Variants in FIRRM observed in about 807,000 individuals in gnomAD.
The protein encoded by FIRRM is FIGNL1-interacting regulator of recombination and mitosis.
chr1:169,799,752 A>T, the FIRRM span, among the ~76,000 whole-genome samples: 1 of 152,138 alleles, frequency 6.6e-6, no homozygotes. Flanking sequence ...GGGTTTCACC[A>T]TGTTGGCCAG....
At chr1:169,799,894 C>T in the FIRRM span, among the ~76,000 whole-genome samples, 222 of 152,120 alleles carry the variant, frequency 1.5e-3, no homozygotes, top group Non-Finnish European at 2.7e-3. Flanking sequence ...AGATCTCACT[C>T]TATTGCCCAG....
chr1:169,785,946 A>G, the FIRRM span, among the ~76,000 whole-genome samples: 1 of 152,190 alleles, frequency 6.6e-6, no homozygotes. Flanking sequence ...GCAATCATGT[A>G]AAATATCTAT....
the FIRRM span, among the ~76,000 whole-genome samples, chr1:169,847,313 TA>T: frequency 3.4e-4 from 29 of 86,340 alleles, no homozygotes; most frequent in East Asian, 1.5e-3. Flanking sequence ...CTTATATTTC[TA>T]AAAAAAAAAA....
At chr1:169,821,820 TC>T in the FIRRM span, 2 of 1,130,948 alleles carry the variant, frequency 1.8e-6, no homozygotes, top group Non-Finnish European at 1.3e-6. Flanking sequence ...CGAATTATTA[TC>T]CCTATTCCAC....
At chr1:169,796,972 A>G in the FIRRM span, among the ~76,000 whole-genome samples, 1 of 152,202 alleles carries the variant, frequency 6.6e-6, no homozygotes, top group Non-Finnish European at 1.5e-5. Context: ...CACTTGTATC[A>G]CATTGGCCTG....
At chr1:169,853,834 C>CAA in the FIRRM span, 1 of 1,577,102 alleles carries the variant, frequency 6.3e-7, no homozygotes, top group East Asian at 2.2e-5. Flanking sequence ...AAATCATACG[C>CAA]AAATTTGAAA....
chr1:169,793,253 GA>G, the FIRRM span: 7 of 1,613,934 alleles, frequency 4.3e-6, no homozygotes, highest in Non-Finnish European at 5.9e-6. Context: ...AAAGCTTTTT[GA>G]AACTATGTTT....
At chr1:169,849,174 C>T in the FIRRM span, among the ~76,000 whole-genome samples, 9 of 152,262 alleles carry the variant, frequency 5.9e-5, 1 homozygote, top group Admixed American at 4.6e-4. Context: ...GAAGTCCTCA[C>T]CAAGGTGACA....
the FIRRM span, among the ~76,000 whole-genome samples, chr1:169,846,586 G>A: frequency 6.6e-6 from 1 of 152,120 alleles, no homozygotes; most frequent in Non-Finnish European, 1.5e-5. Context: ...GCTTCACCTT[G>A]TGCTTTTGTG....
chr1:169,845,531 A>G, the FIRRM span, among the ~76,000 whole-genome samples: 2 of 152,234 alleles, frequency 1.3e-5, no homozygotes, highest in East Asian at 1.9e-4. Flanking sequence ...ATTAGAGTCA[A>G]TCTTCTCAAA....
At chr1:169,847,593 C>T in the FIRRM span, 1 of 846,936 alleles carries the variant, frequency 1.2e-6, no homozygotes, top group South Asian at 1.7e-5. Context: ...GGTTTTGTTT[C>T]CCCTCCCCAC....
At chr1:169,822,684 G>A in the FIRRM span, among the ~76,000 whole-genome samples, 2 of 151,954 alleles carry the variant, frequency 1.3e-5, no homozygotes, top group African/African-American at 4.8e-5. Flanking sequence ...ATTTTTAGTA[G>A]AGATGGGGTT....
At chr1:169,840,373 T>G in the FIRRM span, among the ~76,000 whole-genome samples, 1 of 152,230 alleles carries the variant, frequency 6.6e-6, no homozygotes, top group Non-Finnish European at 1.5e-5. Context: ...TGTTTTTCCA[T>G]TTGTTTGTGT....
the FIRRM span, among the ~76,000 whole-genome samples, chr1:169,820,341 T>C: frequency 6.6e-6 from 1 of 152,130 alleles, no homozygotes; most frequent in African/African-American, 2.4e-5. Context: ...TTTTCAGCAG[T>C]CCCATCAGCT....
chr1:169,791,612 T>C, the FIRRM span, among the ~76,000 whole-genome samples: 1 of 152,246 alleles, frequency 6.6e-6, no homozygotes, highest in Non-Finnish European at 1.5e-5. Flanking sequence ...AAAGCTCTTC[T>C]GCCCTGTATA....
the FIRRM span, among the ~76,000 whole-genome samples, chr1:169,845,284 A>G: frequency 6.6e-6 from 1 of 152,234 alleles, no homozygotes; most frequent in Non-Finnish European, 1.5e-5. Flanking sequence ...AACACTAATG[A>G]TCATATAAGC....
the FIRRM span, among the ~76,000 whole-genome samples, chr1:169,784,432 AT>A: frequency 1.1e-4 from 16 of 151,760 alleles, no homozygotes; most frequent in Middle Eastern, 3.4e-3. Flanking sequence ...GGGCTCTACC[AT>A]TTTTTTTCCC....
chr1:169,792,116 T>C, the FIRRM span, among the ~76,000 whole-genome samples: 1 of 152,190 alleles, frequency 6.6e-6, no homozygotes, highest in African/African-American at 2.4e-5. Context: ...TTCTGATCCT[T>C]ACTATACAAG....
chr1:169,803,024 T>C, the FIRRM span: 3 of 717,908 alleles, frequency 4.2e-6, no homozygotes, highest in Non-Finnish European at 6.9e-6. Context: ...CCAGTATTTG[T>C]AGTTCTGATA....
Sources: allele counts gnomAD v4.1 joint callset (sites outside exome capture counted in the v4.1 genomes callset), GRCh38; gene constraint gnomAD v4.1.1; transcripts MANE v1.5; gene names NCBI Gene and HGNC (gene_info 2026-07-23, HGNC 2026-07-21).